Variants in ANKS1B observed in about 807,000 individuals in gnomAD.
ANKS1B encodes the protein ankyrin repeat and sterile alpha motif domain-containing protein 1B.
ANKS1B carries 36 observed loss-of-function variants against 148.3 expected under a neutral mutation model. The observed-to-expected ratio is 0.24, with a 90% CI of 0.19 to 0.32. The LOEUF is 0.32. ANKS1B is among the 10% of genes least tolerant of loss of function. The pLI is 1.00. For synonymous variants in ANKS1B, 542 were observed against 560.8 expected (o/e 0.97, Z 0.47); for missense variants, 1,157 against 1,542.6 (o/e 0.75, Z 4.19).
At chr12:99,533,808 C>T (rs1171068968) in intron 9 of ANKS1B, among the ~76,000 whole-genome samples, 4 of 152,234 alleles carry the variant, frequency 2.6e-5, no homozygotes, top group East Asian at 1.9e-4. Flanking sequence ...GAAATCCATA[C>T]AATTCCTACA....
chr12:99,147,156 A>T (rs577282778), intron 15 of ANKS1B, among the ~76,000 whole-genome samples: 2 of 152,216 alleles, frequency 1.3e-5, no homozygotes, highest in South Asian at 2.1e-4. Flanking sequence ...GAGGTAATGT[A>T]CCCCTGTAAG....
intron 22 of ANKS1B, chr12:98,794,391 TCAAA>T (rs2098926818): frequency 7.1e-5 from 8 of 113,224 alleles, no homozygotes; most frequent in South Asian, 1.2e-4. Context: ...AAACTCTGTC[TCAAA>T]AAAAAAAAAA....
At chr12:99,768,607 C>T (rs543906014) in intron 8 of ANKS1B, among the ~76,000 whole-genome samples, 2 of 152,004 alleles carry the variant, frequency 1.3e-5, no homozygotes, top group Non-Finnish European at 2.9e-5. Flanking sequence ...GCAGGCAGAT[C>T]ACAAGGTCGG....
intron 12 of ANKS1B, among the ~76,000 whole-genome samples, chr12:99,363,791 A>G (rs2092617892): frequency 6.6e-6 from 1 of 152,142 alleles, no homozygotes; most frequent in African/African-American, 2.4e-5. Flanking sequence ...CAGATCAAAC[A>G]AGGACAAATA....
intron 17 of ANKS1B, among the ~76,000 whole-genome samples, chr12:98,870,684 T>C (rs1342496645): frequency 6.6e-6 from 1 of 152,226 alleles, no homozygotes; most frequent in African/African-American, 2.4e-5. Context: ...TAACAAAGCT[T>C]GTACAACAAA....
At chr12:99,051,216 G>A (rs1398834491) in intron 17 of ANKS1B, among the ~76,000 whole-genome samples, 1 of 152,142 alleles carries the variant, frequency 6.6e-6, no homozygotes, top group Non-Finnish European at 1.5e-5. Flanking sequence ...TTAAACACTA[G>A]TTCAGGCCTT....
rs187269720 is a variant in ANKS1B, at chr12:99,113,088, G to A, written c.2527-28065C>T. On this transcript the variant is annotated intron_variant, in intron 15 of 26. Coordinates refer to ENST00000683438, the MANE Select transcript of ANKS1B (RefSeq NM_001352186.2). ...TCTTTAAAATGTATCTTGAGAATAT[G>A]TTTCAAGTCCCTCTTTAATGCAGTG... Among the ~76,000 whole-genome samples the A allele has an allele frequency of 7.0e-4, 107 of 152,318 alleles. 3 individuals are homozygous for A. The highest frequency in any genetic ancestry group is 6.9e-3 in the Admixed American group (105 of 15,296).
intron 1 of ANKS1B, among the ~76,000 whole-genome samples, chr12:99,852,592 T>C (rs1238382560): frequency 6.6e-6 from 1 of 152,012 alleles, no homozygotes; most frequent in Non-Finnish European, 1.5e-5. Flanking sequence ...AAATGGCGGA[T>C]AGGAGGTAGG....
At chr12:99,942,038 G>A (rs1175644806) in intron 1 of ANKS1B, among the ~76,000 whole-genome samples, 1 of 152,156 alleles carries the variant, frequency 6.6e-6, no homozygotes, top group Non-Finnish European at 1.5e-5. Flanking sequence ...GATTTGAAAG[G>A]CATCTAGCAT....
intron 11 of ANKS1B, among the ~76,000 whole-genome samples, chr12:99,407,853 T>A (rs993667246): frequency 3.4e-5 from 5 of 145,814 alleles, no homozygotes; most frequent in Non-Finnish European, 4.6e-5. Flanking sequence ...TTGAAAATCA[T>A]ATAAGAAAAT....
intron 17 of ANKS1B, among the ~76,000 whole-genome samples, chr12:98,885,800 C>A (rs1233832823): frequency 6.6e-6 from 1 of 152,150 alleles, no homozygotes; most frequent in Non-Finnish European, 1.5e-5. Flanking sequence ...CTGTCTACCT[C>A]CCTCTGCAAT....
intron 14 of ANKS1B, 165 bp from the exon 15 acceptor site, chr12:99,154,560 A>C: frequency 6.5e-7 from 1 of 1,543,448 alleles, no homozygotes; most frequent in Non-Finnish European, 8.7e-7. Context: ...GCGAGAGAGC[A>C]AAGTCAGAAG....
intron 11 of ANKS1B, among the ~76,000 whole-genome samples, chr12:99,426,628 AGTAAT>A (rs1489450308): frequency 7.2e-5 from 11 of 152,174 alleles, no homozygotes; most frequent in East Asian, 3.8e-4. Context: ...CTTTTTAAAT[AGTAAT>A]GTAATTAATA....
intron 19 of ANKS1B, 66 bp from the exon 20 acceptor site, chr12:98,807,984 T>G: frequency 4.0e-6 from 5 of 1,261,020 alleles, no homozygotes; most frequent in Non-Finnish European, 5.6e-6. Flanking sequence ...CAAGGTAGCA[T>G]CCAGGAAGGA....
chr12:99,445,311 T>C (rs960152788), intron 10 of ANKS1B, among the ~76,000 whole-genome samples: 1 of 152,006 alleles, frequency 6.6e-6, no homozygotes, highest in African/African-American at 2.4e-5. Context: ...TATGTTATGT[T>C]CTAAAGATTA....
intron 24 of ANKS1B, among the ~76,000 whole-genome samples, chr12:98,776,329 G>T (rs906228182): frequency 1.3e-5 from 2 of 152,240 alleles, no homozygotes; most frequent in African/African-American, 4.8e-5. Context: ...AGGTACAGGT[G>T]ATGCACCTCA....
intron 10 of ANKS1B, among the ~76,000 whole-genome samples, chr12:99,473,055 C>T (rs1401262984): frequency 6.6e-6 from 1 of 151,886 alleles, no homozygotes; most frequent in Non-Finnish European, 1.5e-5. Flanking sequence ...TCTTTTATAT[C>T]CTGTCACAAA....
chr12:99,293,223 C>G (rs754178046), intron 12 of ANKS1B, among the ~76,000 whole-genome samples: 1 of 151,950 alleles, frequency 6.6e-6, no homozygotes, highest in Non-Finnish European at 1.5e-5. Context: ...AAGCTGGAAA[C>G]TATCATTCTG....
intron 17 of ANKS1B, among the ~76,000 whole-genome samples, chr12:99,039,798 T>C (rs2099957808): frequency 1.3e-5 from 2 of 152,234 alleles, no homozygotes; most frequent in African/African-American, 2.4e-5. Context: ...CACTAACTCG[T>C]CCTCTGCAGT....
Sources: allele counts gnomAD v4.1 joint callset (sites outside exome capture counted in the v4.1 genomes callset), GRCh38; gene constraint gnomAD v4.1.1; transcripts MANE v1.5; gene names NCBI Gene and HGNC (gene_info 2026-07-23, HGNC 2026-07-21).